DOCK8: variants seen among roughly 807,000 people sequenced by gnomAD.
The protein encoded by DOCK8 is dedicator of cytokinesis 8.
In DOCK8, 141 loss-of-function variants were observed where a neutral mutation model predicts 245.6. That is an observed-to-expected ratio of 0.57 (90% confidence interval 0.50 to 0.66). The LOEUF is 0.66. Among genes scored for constraint, DOCK8 ranks in the 30% least tolerant of loss-of-function variants. DOCK8 has a pLI of 0.00. For synonymous variants in DOCK8, 1,168 were observed against 970.2 expected (o/e 1.20, Z -3.79); for missense variants, 2,965 against 2,603.4 (o/e 1.14, Z -3.02).
At chr9:212,963 G>A (rs1330939482), upstream of DOCK8, 1 of 152,120 alleles carries the variant, frequency 6.6e-6, no homozygotes, top group African/African-American at 2.4e-5. Flanking sequence ...GAAGCCTCTG[G>A]GGCAAAATGT....
chr9:354,064 G>C (rs1195656984), intron 14 of DOCK8, among the ~76,000 whole-genome samples: 1 of 152,182 alleles, frequency 6.6e-6, no homozygotes, highest in Non-Finnish European at 1.5e-5. Flanking sequence ...GGGCACGGTG[G>C]CTCACGCCTG....
chr9:419,853 G>C (rs1022146188), intron 30 of DOCK8, among the ~76,000 whole-genome samples: 5 of 152,210 alleles, frequency 3.3e-5, no homozygotes, highest in African/African-American at 1.2e-4. Flanking sequence ...CCATTACAGA[G>C]AACTCCACAA....
intron 1 of DOCK8, among the ~76,000 whole-genome samples, chr9:244,542 C>T (rs967937367): frequency 1.7e-4 from 26 of 152,126 alleles, no homozygotes; most frequent in African/African-American, 6.3e-4. Flanking sequence ...TAATGTCTCC[C>T]GCAACCTGCC....
At chr9:225,119 G>T (rs2046963582) in intron 1 of DOCK8, among the ~76,000 whole-genome samples, 1 of 152,186 alleles carries the variant, frequency 6.6e-6, no homozygotes, top group Non-Finnish European at 1.5e-5. Flanking sequence ...GGTATTACGG[G>T]AGATTCAAAA....
intron 14 of DOCK8, among the ~76,000 whole-genome samples, chr9:361,757 C>T (rs1051603487): frequency 2.6e-5 from 4 of 151,866 alleles, no homozygotes; most frequent in Admixed American, 6.6e-5. Flanking sequence ...TGTTTCAGGC[C>T]GTATATTGAA....
chr9:214,218 T>C (rs75513081), upstream of DOCK8: 14 of 417,782 alleles, frequency 3.4e-5, no homozygotes, highest in East Asian at 3.3e-4. Context: ...GACCTCAGTC[T>C]GAAACTGAAA....
At chr9:412,410 A>AG (rs2055778900) in intron 28 of DOCK8, among the ~76,000 whole-genome samples, 1 of 151,346 alleles carries the variant, frequency 6.6e-6, no homozygotes. Context: ...GTCTCAAAAA[A>AG]AAAAAAAAAA....
chr9:357,418 C>G lies in DOCK8; in HGVS notation c.1680-10600C>G, dbSNP rs148196031. The stretch of plus-strand genomic sequence containing the variant: ...TGAAAGAAATCTTTAAAAGTGGTAC[C>G]ATAAGAGACATTAAGACTGGCTATT... On this transcript the variant is annotated intron_variant, in intron 14 of 47. Coordinates refer to ENST00000432829, the MANE Select transcript of DOCK8 (RefSeq NM_203447.4). Among the ~76,000 whole-genome samples the G allele has an allele frequency of 5.8e-3, 884 of 152,202 alleles. 6 individuals carry two copies. The highest frequency in any genetic ancestry group is 0.02 in the African/African-American group (851 of 41,528).
At chr9:447,167 AC>A (rs1474855942) in intron 44 of DOCK8, among the ~76,000 whole-genome samples, 2 of 152,164 alleles carry the variant, frequency 1.3e-5, no homozygotes, top group Non-Finnish European at 2.9e-5. Flanking sequence ...AGCAGGAAAG[AC>A]CTCTAAGTAC....
chr9:358,491 C>CT (rs1221930173), intron 14 of DOCK8, among the ~76,000 whole-genome samples: 1 of 152,272 alleles, frequency 6.6e-6, no homozygotes, highest in Non-Finnish European at 1.5e-5. Context: ...AGAAATAAAT[C>CT]TAAGTGTGTG....
At chr9:403,725 C>G (rs941241619) in intron 26 of DOCK8, among the ~76,000 whole-genome samples, 1 of 151,166 alleles carries the variant, frequency 6.6e-6, no homozygotes, top group Non-Finnish European at 1.5e-5. Flanking sequence ...ATTAGCTGGG[C>G]ATGTTGATGT....
intron 1 of DOCK8, among the ~76,000 whole-genome samples, chr9:248,345 A>G (rs1159613575): frequency 2.0e-5 from 3 of 152,290 alleles, no homozygotes; most frequent in African/African-American, 7.2e-5. Context: ...CTCATTACCA[A>G]TTTTATTTGG....
At chr9:366,603 A>G (rs1341233024) in intron 14 of DOCK8, 1 of 152,246 alleles carries the variant, frequency 6.6e-6, no homozygotes, top group Non-Finnish European at 1.5e-5. Flanking sequence ...TGTTAAATTC[A>G]TAAAAGCTAC....
Position 394,665 on chromosome 9 carries a change from G to A in DOCK8, c.2971-2120G>A, listed in dbSNP as rs1003698315. On this transcript the variant is annotated intron_variant, in intron 24 of 47. Transcript: ENST00000432829. ...GACCTTGGAGAAATAGAGATAAATG[G>A]GTGACCTAGTTTACTCACTCAGGAC... Among the ~76,000 whole-genome samples the A allele has an allele frequency of 1.0e-3, 154 of 152,290 alleles. 2 individuals carry two copies. The highest frequency in any genetic ancestry group is 1.3e-4 in the Admixed American group (2 of 15,302).
At chr9:310,376 A>G (rs1007790110) in intron 5 of DOCK8, among the ~76,000 whole-genome samples, 3 of 152,190 alleles carry the variant, frequency 2.0e-5, no homozygotes, top group Non-Finnish European at 4.4e-5. Context: ...AAAAATTTTC[A>G]CAAAGAAATT....
In DOCK8 at chr9:370,076, T is replaced by G. The variant is rs2053215834; in HGVS notation, c.1798-154T>G. 32 of 701,228 alleles carry G rather than the reference T, an allele frequency of 4.6e-5. No homozygotes were observed. The South Asian group carries it at 4.8e-4, about 11-fold the overall frequency. The allele number at this position is 701,228 out of a possible 1,614,324, so 43.4% of individuals were successfully genotyped here. On this transcript the variant is annotated intron_variant, in intron 15 of 47. Coordinates refer to ENST00000432829, the MANE Select transcript of DOCK8 (RefSeq NM_203447.4). ...CGCCGACCTCCCAGAGTGCTGAGAT[T>G]ACAGGTGTGAGCCACTGCTCCTGGC...
chr9:255,227 C>T (rs1388153283), intron 1 of DOCK8, among the ~76,000 whole-genome samples: 1 of 152,088 alleles, frequency 6.6e-6, no homozygotes, highest in Non-Finnish European at 1.5e-5. Flanking sequence ...AACAGAATGT[C>T]TTTAGATCAT....
At chr9:460,742 A>T (rs1442549763) in intron 46 of DOCK8, among the ~76,000 whole-genome samples, 1 of 152,218 alleles carries the variant, frequency 6.6e-6, no homozygotes, top group Non-Finnish European at 1.5e-5. Context: ...TGCTAAGTTT[A>T]TTTTTGCCTA....
intron 1 of DOCK8, among the ~76,000 whole-genome samples, chr9:236,483 G>C (rs751277813): frequency 4.6e-5 from 7 of 152,144 alleles, no homozygotes; most frequent in Non-Finnish European, 7.3e-5. Context: ...GCCACTAGTA[G>C]TTTCTACACA....
Sources: gnomAD v4.1 joint callset for allele counts (sites outside exome capture counted in the v4.1 genomes callset) on GRCh38, gnomAD v4.1.1 for gene constraint, MANE v1.5 for transcripts, NCBI Gene and HGNC (gene_info 2026-07-23, HGNC 2026-07-21) for gene names.